MSI2: variants seen among roughly 807,000 people sequenced by gnomAD.
The protein encoded by MSI2 is RNA-binding protein Musashi homolog 2.
A neutral mutation model predicts 45.6 loss-of-function variants in MSI2; 17 were observed. The ratio of observed to expected loss-of-function variants is 0.37; its 90% CI spans 0.26 to 0.56. The LOEUF (loss-of-function observed/expected upper bound fraction) is 0.56. MSI2 is among the 20% of genes least tolerant of loss of function. MSI2 has a pLI of 0.77. For synonymous variants in MSI2, 156 were observed against 158.2 expected (o/e 0.99, Z 0.11); for missense variants, 293 against 444.2 (o/e 0.66, Z 3.06).
rs1014534513 is a variant in MSI2 at position 57,529,304 on chromosome 17, T to C, written c.406-372T>C. On this transcript the variant is annotated intron_variant, in intron 6 of 13. Coordinates refer to ENST00000284073, the MANE Select transcript of MSI2 (RefSeq NM_138962.4). The surrounding 1 kb of genome is among the most constrained non-coding windows in gnomAD (Gnocchi z 5.3). ...AAAATAAAATAACTGGGCATGATGG[T>C]ACATGCCTGTAGTCCCAGCTACTCA... Among the ~76,000 whole-genome samples, 1 of 152,032 alleles carries C rather than the reference T, an allele frequency of 6.6e-6. No homozygotes were observed. The highest frequency in any genetic ancestry group is 6.5e-5 in the Admixed American group (1 of 15,272).
intron 6 of MSI2, among the ~76,000 whole-genome samples, chr17:57,491,443 G>C (rs540242708): frequency 4.5e-4 from 69 of 152,338 alleles, no homozygotes; most frequent in African/African-American, 1.6e-3. Context: ...CAGCCCAGGA[G>C]GACACTTGGG....
the MSI2 span, among the ~76,000 whole-genome samples, chr17:57,695,879 GT>G: frequency 6.6e-6 from 1 of 152,124 alleles, no homozygotes; most frequent in African/African-American, 2.4e-5. Flanking sequence ...CTTTTCCACT[GT>G]TTCCTCACAC....
intron 6 of MSI2, among the ~76,000 whole-genome samples, chr17:57,480,171 C>T (rs972026978): frequency 5.3e-5 from 8 of 152,118 alleles, no homozygotes; most frequent in African/African-American, 2.4e-5. Context: ...CCATGTTGGC[C>T]GGGCTGCTAT....
intron 9 of MSI2, among the ~76,000 whole-genome samples, chr17:57,624,881 G>A (rs558986653): frequency 6.6e-6 from 1 of 152,218 alleles, no homozygotes; most frequent in Admixed American, 6.5e-5. Flanking sequence ...CTTAAGTCGG[G>A]TTGCTGTCAC....
chr17:57,332,860 C>T (rs964559622), intron 5 of MSI2, among the ~76,000 whole-genome samples: 1 of 152,110 alleles, frequency 6.6e-6, no homozygotes, highest in Non-Finnish European at 1.5e-5. Context: ...CTCATCTCTA[C>T]TAAAAAGTAC....
At chr17:57,283,199 C>A (rs767377734) in intron 5 of MSI2, among the ~76,000 whole-genome samples, 1 of 152,034 alleles carries the variant, frequency 6.6e-6, no homozygotes, top group Non-Finnish European at 1.5e-5. Context: ...TCAAACTCAC[C>A]GGGACTTCTA....
At chr17:57,272,329 TG>T (rs1174448478) in intron 5 of MSI2, among the ~76,000 whole-genome samples, 1 of 152,224 alleles carries the variant, frequency 6.6e-6, no homozygotes, top group Non-Finnish European at 1.5e-5. Flanking sequence ...TCTGGATACC[TG>T]CCGGAGCCTG....
chr17:57,665,118 C>T (rs1447321259), intron 11 of MSI2, among the ~76,000 whole-genome samples: 1 of 152,200 alleles, frequency 6.6e-6, no homozygotes, highest in African/African-American at 2.4e-5. Context: ...TAGCCTGCTG[C>T]TGTGGAGCCC....
intron 10 of MSI2, among the ~76,000 whole-genome samples, chr17:57,635,592 G>A (rs541695609): frequency 6.2e-4 from 95 of 152,386 alleles, no homozygotes; most frequent in African/African-American, 2.1e-3. Context: ...CCAAGCTAAC[G>A]TGTCATGGCT....
At position 57,640,206 on chromosome 17, in the gene MSI2, C is replaced by G. The variant is rs191391047; in HGVS notation, c.728-11893C>G. On this transcript the variant is annotated intron_variant, in intron 10 of 13. Coordinates refer to ENST00000284073, the MANE Select transcript of MSI2 (RefSeq NM_138962.4). ...TGGGGCTCCAGGCTCCGCATTCATGCCTGTGGTGACCACCTCACAGGGCGA... is the reference window on the plus strand; with the variant it reads ...TGGGGCTCCAGGCTCCGCATTCATGGCTGTGGTGACCACCTCACAGGGCGA... Among the ~76,000 whole-genome samples, 353 of 152,318 alleles carry G rather than the reference C, an allele frequency of 2.3e-3. 1 individual carries two copies. The highest frequency in any genetic ancestry group is 0.02 in the Admixed American group (308 of 15,306).
chr17:57,575,100 A>C (rs1819856), intron 7 of MSI2, among the ~76,000 whole-genome samples: 2 of 151,378 alleles, frequency 1.3e-5, no homozygotes, highest in South Asian at 4.2e-4. Context: ...AAAGTGCTGG[A>C]ATTACAGGCG....
At chr17:57,477,868 T>C (rs1329510658) in intron 6 of MSI2, among the ~76,000 whole-genome samples, 3 of 152,074 alleles carry the variant, frequency 2.0e-5, no homozygotes, top group Admixed American at 6.5e-5. Context: ...CAGTCATGAG[T>C]GGAAGGCATT....
the MSI2 span, among the ~76,000 whole-genome samples, chr17:57,698,892 A>AGT: frequency 0.045 from 5,396 of 118,604 alleles, 232 homozygotes; most frequent in East Asian, 0.11. Flanking sequence ...GATACAAGGA[A>AGT]GTGTGTGTGT....
At chr17:57,313,260 G>A (rs1043522770) in intron 5 of MSI2, among the ~76,000 whole-genome samples, 2 of 152,130 alleles carry the variant, frequency 1.3e-5, no homozygotes, top group African/African-American at 2.4e-5. Context: ...CATTCAGAAT[G>A]TGTTGGTCTG....
chr17:57,257,544 C>A lies in MSI2; in HGVS notation c.182C>A (p.Ser61Tyr). Reference protein sequence around the residue: ...MVMRDPTTKRSRGFGFVTFAD... With the variant: ...MVMRDPTTKRYRGFGFVTFAD... ...ATGAGAGATCCCACTACGAAACGCT[C>A]CAGGTAAACCATTCCCTTCTGGATT... The change falls in exon 3 of 14, where the codon TCC (serine) becomes TAC (tyrosine). Residue 61 changes from serine to tyrosine, a missense_variant. Coordinates refer to ENST00000284073, the MANE Select transcript of MSI2 (RefSeq NM_138962.4). 6.3e-7 allele frequency: 1 copy of A among 1,585,718 alleles called. No homozygotes were observed. Among genetic ancestry groups the A allele is most frequent in the Non-Finnish European group, 8.6e-7 (1 of 1,156,496 alleles).
At position 57,681,902 on chromosome 17, in the gene MSI2, T is replaced by C. The variant is rs188361731; in HGVS notation, c.*2385T>C. On this transcript the variant is annotated 3_prime_UTR_variant, in exon 14 of 14. Transcript: ENST00000284073. ...GGGAATTTAATTCCTATTTTGTCCA[T>C]GTTGGTGATGTACTGTACTTCCCTT... 4.9e-5 allele frequency: 10 copies of C among 205,442 alleles called. No homozygotes were observed. The East Asian group carries it at 6.7e-4, about 14-fold the overall frequency. The allele number at this position is 205,442 out of a possible 1,614,324, so 12.7% of individuals were successfully genotyped here. A position where few individuals can be genotyped will look rare whatever the true frequency, so the allele number is the denominator to read the frequency against.
rs141401250 is a variant in MSI2, at chr17:57,352,211, G to A, written c.313-49168G>A. On this transcript the variant is annotated intron_variant, in intron 5 of 13. Transcript: ENST00000284073. Reference sequence around the variant, plus strand: ...TGGATGTTAAGTCATGAACCTGGATGGTTTCTTCTTTAGTGGTCTACTCTG... The same window carrying A: ...TGGATGTTAAGTCATGAACCTGGATAGTTTCTTCTTTAGTGGTCTACTCTG... 1.7e-3 allele frequency among the ~76,000 whole-genome samples: 261 copies of A among 152,262 alleles called. 3 individuals are homozygous for A. The highest frequency in any genetic ancestry group is 0.015 in the East Asian group (77 of 5,180).
chr17:57,697,227 CCACACT>C, the MSI2 span, among the ~76,000 whole-genome samples: 2 of 151,580 alleles, frequency 1.3e-5, no homozygotes, highest in Non-Finnish European at 2.9e-5. Flanking sequence ...ACACTCACAC[CCACACT>C]CCCCTGTGCC....
At chr17:57,572,760 G>A (rs943349283) in intron 7 of MSI2, among the ~76,000 whole-genome samples, 3 of 152,192 alleles carry the variant, frequency 2.0e-5, no homozygotes, top group African/African-American at 4.8e-5. Context: ...GAGCTCGGCC[G>A]ACCTCCATTC....
Sources: gnomAD v4.1 joint callset for allele counts (sites outside exome capture counted in the v4.1 genomes callset) on GRCh38, gnomAD v4.1.1 for gene constraint, Gnocchi (gnomAD v3.1) non-coding constraint, MANE v1.5 for transcripts, NCBI Gene and HGNC (gene_info 2026-07-23, HGNC 2026-07-21) for gene names.